Variants in IFT81 observed in about 807,000 individuals in gnomAD.
IFT81 encodes the protein intraflagellar transport 81.
IFT81 carries 72 observed loss-of-function variants against 102.6 expected under a neutral mutation model. The observed-to-expected ratio is 0.70, with a 90% CI of 0.58 to 0.85. IFT81 has a LOEUF of 0.85. Among genes scored for constraint, IFT81 ranks in the 40% least tolerant of loss-of-function variants. The pLI is 0.00. For synonymous variants in IFT81, 237 were observed against 242.7 expected (o/e 0.98, Z 0.22); for missense variants, 723 against 787.3 (o/e 0.92, Z 0.98).
chr12:110,202,696 G>A (rs956753113), intron 14 of IFT81, among the ~76,000 whole-genome samples: 1 of 88 alleles, frequency 0.011, no homozygotes. Context: ...CTCATGATCC[G>A]CCCACCTGGC....
At chr12:110,210,354 T>C (rs1869244192) in intron 18 of IFT81, among the ~76,000 whole-genome samples, 1 of 152,178 alleles carries the variant, frequency 6.6e-6, no homozygotes, top group Non-Finnish European at 1.5e-5. Flanking sequence ...ATCATCTTCA[T>C]TGATTTTAAG....
At chr12:110,157,101 A>C (rs1593311328) in intron 10 of IFT81, among the ~76,000 whole-genome samples, 1 of 151,738 alleles carries the variant, frequency 6.6e-6, no homozygotes, top group Admixed American at 6.6e-5. Flanking sequence ...TGTAATCCCA[A>C]CACTTTGGGA....
chr12:110,181,792 T>A (rs1215328526), intron 12 of IFT81, among the ~76,000 whole-genome samples: 1 of 152,058 alleles, frequency 6.6e-6, no homozygotes, highest in Non-Finnish European at 1.5e-5. Context: ...TTAAGTTGGG[T>A]CCCTAGAAGC....
intron 4 of IFT81, among the ~76,000 whole-genome samples, chr12:110,131,939 A>C (rs932339289): frequency 1.3e-5 from 2 of 152,202 alleles, no homozygotes; most frequent in Non-Finnish European, 2.9e-5. Context: ...TAGATGTATA[A>C]GCTGGACGTG....
chr12:110,216,335 A>G (rs1456885430), intron 18 of IFT81, among the ~76,000 whole-genome samples: 1 of 151,818 alleles, frequency 6.6e-6, no homozygotes, highest in Non-Finnish European at 1.5e-5. Context: ...GACTACAGGC[A>G]TGTGCCACCA....
chr12:110,162,538 T>C (rs1249029775), intron 10 of IFT81: 1 of 163,242 alleles, frequency 6.1e-6, no homozygotes. Context: ...GTTTTCACCA[T>C]GTTGGTCAGG....
At chr12:110,130,023 AG>A (rs1469801424) in intron 4 of IFT81, among the ~76,000 whole-genome samples, 2 of 152,176 alleles carry the variant, frequency 1.3e-5, no homozygotes, top group African/African-American at 4.8e-5. Context: ...GATTTTGTAT[AG>A]TCACTTCTAA....
intron 17 of IFT81, 52 bp from the exon 18 acceptor site, chr12:110,209,119 G>A (rs1869069686): frequency 1.0e-6 from 1 of 989,528 alleles, no homozygotes; most frequent in Non-Finnish European, 1.6e-6. Context: ...TCACTTGTAT[G>A]ATCAAATCAT....
intron 9 of IFT81, among the ~76,000 whole-genome samples, chr12:110,145,443 G>GTT (rs111355149): frequency 8.0e-5 from 11 of 137,700 alleles, no homozygotes; most frequent in East Asian, 2.1e-4. Flanking sequence ...GGTTTTTTTT[G>GTT]TTTTTTTTTT....
At chr12:110,139,490 C>G (rs976516997) in intron 8 of IFT81, among the ~76,000 whole-genome samples, 2 of 151,800 alleles carry the variant, frequency 1.3e-5, no homozygotes, top group East Asian at 3.9e-4. Context: ...GCCTGGGCAA[C>G]ATAGCAAGAA....
At chr12:110,172,683 T>G (rs1184150840) in intron 11 of IFT81, among the ~76,000 whole-genome samples, 1 of 152,136 alleles carries the variant, frequency 6.6e-6, no homozygotes, top group Admixed American at 6.5e-5. Context: ...TCTGGTTCAC[T>G]CAGTGCTCAA....
intron 18 of IFT81, among the ~76,000 whole-genome samples, chr12:110,209,554 AG>A (rs1402373283): frequency 6.6e-6 from 1 of 152,186 alleles, no homozygotes; most frequent in South Asian, 2.1e-4. Flanking sequence ...GGATCAGTTG[AG>A]GTCAGGAACT....
At chr12:110,146,886 C>T (rs775213201) in intron 9 of IFT81, 67 bp from the exon 10 acceptor site, 53 of 1,449,704 alleles carry the variant, frequency 3.7e-5, no homozygotes, top group Non-Finnish European at 4.7e-5. Context: ...TTTGGCCAGA[C>T]GTCACTTAGT....
In IFT81 at chr12:110,192,692, C is replaced by T. The variant is rs189109779; in HGVS notation, c.1543C>T (p.Arg515Cys). 6.0e-5 allele frequency: 94 copies of T among 1,565,650 alleles called. No homozygotes were observed. In the African/African-American group the frequency reaches 6.6e-4, roughly 11 times the overall value. ...ASVIKELRQL[R>C]QKYQELTQEC... ...AGTTATAAAAGAGCTACGACAGTTG[C>T]GTCAAAAATATCAAGTAAGTTTTTG... Residue 515 changes from arginine (R) to cysteine (C), a missense_variant, in exon 14 of 19, where the codon CGT (arginine) becomes TGT (cysteine). Physicochemically the swap from Arg to Cys is radical, Grantham distance 180. Coordinates refer to ENST00000242591, the MANE Select transcript of IFT81 (RefSeq NM_014055.4).
chr12:110,129,182 T>C (rs1316338319), intron 4 of IFT81, 52 bp downstream of exon 4: 1 of 1,293,334 alleles, frequency 7.7e-7, no homozygotes, highest in Non-Finnish European at 1.1e-6. Flanking sequence ...TCAAGGTGTA[T>C]ATATTCAAAT....
chr12:110,140,897 A>G (rs948657432), intron 8 of IFT81, among the ~76,000 whole-genome samples: 7 of 150,204 alleles, frequency 4.7e-5, no homozygotes, highest in Non-Finnish European at 8.9e-5. Flanking sequence ...CTAATTTTGT[A>G]TATTTTTTTA....
At chr12:110,197,248 GTAGA>G (rs57797208) in intron 14 of IFT81, among the ~76,000 whole-genome samples, 51,602 of 146,916 alleles carry the variant, frequency 0.35, 9,459 homozygotes, top group Admixed American at 0.44. Flanking sequence ...AGGTAGGTAG[GTAGA>G]TAGATAGATA....
intron 15 of IFT81, chr12:110,204,194 C>T (rs1898449001): frequency 2.7e-6 from 1 of 375,190 alleles, no homozygotes; most frequent in Non-Finnish European, 4.9e-6. Flanking sequence ...TCAAAAGATT[C>T]CCAAATCTTT....
At chr12:110,204,083 T>C in intron 15 of IFT81, 133 bp downstream of exon 15, 1 of 617,218 alleles carries the variant, frequency 1.6e-6, no homozygotes, top group Non-Finnish European at 2.9e-6. Flanking sequence ...TGAGCTATGA[T>C]CACACCACTG....
Sources: allele counts gnomAD v4.1 joint callset (sites outside exome capture counted in the v4.1 genomes callset), GRCh38; gene constraint gnomAD v4.1.1; transcripts MANE v1.5; gene names NCBI Gene and HGNC (gene_info 2026-07-23, HGNC 2026-07-21).